The following EMC8 variants were observed in gnomAD, a reference collection of about 807,000 sequenced individuals.
EMC8 encodes the protein ER membrane protein complex subunit 8.
EMC8 carries 11 observed loss-of-function variants against 24.3 expected under a neutral mutation model. That is an observed-to-expected ratio of 0.45 (90% confidence interval 0.28 to 0.75). The LOEUF is 0.75. Among genes scored for constraint, EMC8 ranks in the 30% least tolerant of loss-of-function variants. The probability of loss-of-function intolerance (pLI) is 0.12; values close to 1 mark genes in which losing one functional copy is unlikely to be tolerated. For synonymous variants in EMC8, 145 were observed against 117.7 expected, an observed-to-expected ratio of 1.23 and a Z score of -1.50; for missense variants, 277 against 282.7, an observed-to-expected ratio of 0.98 and a Z score of 0.14.
At chr16:85,783,727 C>T (rs1904619534) in intron 2 of EMC8, among the ~76,000 whole-genome samples, 1 of 152,156 alleles carries the variant, frequency 6.6e-6, no homozygotes, top group African/African-American at 2.4e-5. Context: ...CGTCTTGTTT[C>T]ACTCACACTG....
Position 85,789,565 on chromosome 16 carries a change from G to A in EMC8, c.232-515C>T, listed in dbSNP as rs188447487. 2.5e-3 allele frequency among the ~76,000 whole-genome samples: 377 copies of A among 152,244 alleles called. 3 individuals carry two copies. Among genetic ancestry groups the A allele is most frequent in the Non-Finnish European group, 3.9e-3 (265 of 68,028 alleles). On this transcript the variant is annotated intron_variant, in intron 1 of 4. Coordinates refer to ENST00000253457, the MANE Select transcript of EMC8 (RefSeq NM_006067.5). ...CCAGCACTTTGGGAGGCTGAGGTGG[G>A]CGGATCACCTGAGGTCAAGAGTTCG...
chr16:85,799,209 G>A lies in EMC8; in HGVS notation c.87C>T (p.Leu29=), dbSNP rs890425804. The change falls in exon 1 of 5, where the codon CTC becomes CTT. Residue 29 remains leucine (L), a synonymous_variant. Coordinates refer to ENST00000253457, the MANE Select transcript of EMC8 (RefSeq NM_006067.5). This position sits in a 1 kb window ranked among gnomAD's most constrained non-coding sequence, Gnocchi z 4.2. ...AKYPHCAVNG[L]LVAEKQKPRK... ...GCGGCTTCTGCTTCTCGGCCACCAG[G>A]AGCCCGTTGACGGCGCAGTGCGGGT... 5.6e-6 allele frequency: 9 copies of A among 1,613,490 alleles called. No homozygotes were observed. The highest frequency in any genetic ancestry group is 2.2e-5 in the East Asian group (1 of 44,866).
chr16:85,799,201 G>C lies in EMC8; in HGVS notation c.95C>G (p.Ala32Gly). Reference sequence around the variant, plus strand: ...CTCCTTACGCGGCTTCTGCTTCTCGGCCACCAGGAGCCCGTTGACGGCGCA... The same window carrying C: ...CTCCTTACGCGGCTTCTGCTTCTCGCCCACCAGGAGCCCGTTGACGGCGCA... ...PHCAVNGLLV[A>G]EKQKPRKEHL... is the part of the protein sequence containing the mutation. The change falls in exon 1 of 5, where the codon GCC (alanine) becomes GGC (glycine). Residue 32 changes from alanine (A) to glycine (G), a missense_variant. Physicochemically the swap from Ala to Gly is moderately conservative, Grantham distance 60. Transcript: ENST00000253457. The surrounding 1 kb of genome is among the most constrained non-coding windows in gnomAD (Gnocchi z 4.2). The C allele has an allele frequency of 6.2e-7, 1 of 1,613,340 alleles. No individual in the cohort carries two copies. The highest frequency in any genetic ancestry group is 8.5e-7 in the Non-Finnish European group (1 of 1,179,826).
intron 1 of EMC8, among the ~76,000 whole-genome samples, chr16:85,789,763 G>A (rs1050443373): frequency 2.0e-5 from 3 of 151,236 alleles, no homozygotes; most frequent in African/African-American, 7.3e-5. Context: ...CTGCACTCCA[G>A]CCTGGGTGAC....
intron 2 of EMC8, among the ~76,000 whole-genome samples, chr16:85,783,300 C>A (rs1904596545): frequency 6.6e-6 from 1 of 150,966 alleles, no homozygotes. Context: ...GACTCCACGT[C>A]AAAAAAAAAA....
intron 1 of EMC8, among the ~76,000 whole-genome samples, chr16:85,797,129 T>C (rs549408993): frequency 1.3e-5 from 2 of 152,350 alleles, no homozygotes; most frequent in South Asian, 4.1e-4. Flanking sequence ...TTGGAAAGGC[T>C]GAGCGCAGTG....
intron 2 of EMC8, among the ~76,000 whole-genome samples, chr16:85,782,860 G>A (rs1366514758): frequency 6.6e-6 from 1 of 152,152 alleles, no homozygotes; most frequent in East Asian, 1.9e-4. Flanking sequence ...CCACCCTGCA[G>A]GCCACAGGTC....
At chr16:85,795,789 C>G (rs565264596) in intron 1 of EMC8, among the ~76,000 whole-genome samples, 2 of 152,164 alleles carry the variant, frequency 1.3e-5, no homozygotes, top group South Asian at 4.1e-4. Context: ...GCCATGGAAA[C>G]CCCACCTTGA....
At position 85,781,334 on chromosome 16, in the gene EMC8, C is replaced by T. The variant is rs1904487685; in HGVS notation, c.309-54G>A. 7 of 1,156,068 alleles carry T rather than the reference C, an allele frequency of 6.1e-6. No individual in the cohort carries two copies. In the Admixed American group the frequency reaches 6.9e-5, roughly 11 times the overall value. The allele number at this position is 1,156,068 out of a possible 1,614,324, so 71.6% of individuals were successfully genotyped here. On this transcript the variant is annotated intron_variant, in intron 2 of 4. Transcript: ENST00000253457. Reference sequence around the variant, plus strand: ...AGTTAATGCCATTCAACACTGTTTACAAAAGGCACAGTCAACACCACTGAG... The same window carrying T: ...AGTTAATGCCATTCAACACTGTTTATAAAAGGCACAGTCAACACCACTGAG...
At chr16:85,780,853 A>T (rs1904458713) in intron 3 of EMC8, 1 of 440,782 alleles carries the variant, frequency 2.3e-6, no homozygotes, top group South Asian at 2.5e-5. Context: ...CACACTTGGC[A>T]TGTTCAGACC....
At chr16:85,785,609 T>C (rs755230425) in intron 2 of EMC8, among the ~76,000 whole-genome samples, 8 of 152,188 alleles carry the variant, frequency 5.3e-5, no homozygotes, top group Admixed American at 6.5e-5. Context: ...GTGTAGTTAA[T>C]GAACTGTCAA....
chr16:85,781,823 T>A (rs1904518504), intron 2 of EMC8: 4 of 153,188 alleles, frequency 2.6e-5, no homozygotes, highest in Admixed American at 2.6e-4. Flanking sequence ...GGTCAGCACA[T>A]CTGGAGTGCA....
At chr16:85,787,507 G>C (rs1364826327) in intron 2 of EMC8, 1 of 152,270 alleles carries the variant, frequency 6.6e-6, no homozygotes, top group Non-Finnish European at 1.5e-5. Context: ...ATGTAACAAA[G>C]ACTAAGATGG....
intron 2 of EMC8, among the ~76,000 whole-genome samples, chr16:85,785,826 G>A (rs1904729329): frequency 6.6e-6 from 1 of 152,096 alleles, no homozygotes; most frequent in African/African-American, 2.4e-5. Context: ...GCACCATGTC[G>A]GGCCAGCGTG....
chr16:85,789,935 C>T (rs1436803107), intron 1 of EMC8, among the ~76,000 whole-genome samples: 3 of 152,130 alleles, frequency 2.0e-5, no homozygotes, highest in Non-Finnish European at 4.4e-5. Flanking sequence ...TAGTTCTCTC[C>T]GGCGTGCTTT....
At position 85,781,225 on chromosome 16, in the gene EMC8, T is replaced by C. The variant is rs75548789; in HGVS notation, c.364A>G (p.Thr122Ala). 1 of 1,613,684 alleles carries C rather than the reference T, an allele frequency of 6.2e-7. No homozygotes were observed. The highest frequency in any genetic ancestry group is 8.5e-7 in the Non-Finnish European group (1 of 1,179,614). ...ASRIAEGFSD[T>A]ALIMVDNTKF... ...AAGCGACTTACCATGATGAGCGCAG[T>C]GTCGCTGAAGCCCTCGGCGATTCTG... is the stretch of plus-strand genomic sequence containing the variant. Residue 122 changes from threonine (T) to alanine (A), a missense_variant, in exon 3 of 5, where the codon ACT becomes GCT. Thr to Ala is a moderately conservative substitution (Grantham distance 58). Coordinates refer to ENST00000253457, the MANE Select transcript of EMC8 (RefSeq NM_006067.5).
intron 2 of EMC8, among the ~76,000 whole-genome samples, chr16:85,784,092 G>A (rs949901915): frequency 1.5e-4 from 23 of 151,994 alleles, no homozygotes; most frequent in East Asian, 5.8e-4. Flanking sequence ...TCTGCCTCCC[G>A]GGTTCACGCC....
intron 1 of EMC8, among the ~76,000 whole-genome samples, chr16:85,797,183 G>C (rs538059765): frequency 1.3e-5 from 2 of 152,172 alleles, no homozygotes; most frequent in South Asian, 4.1e-4. Flanking sequence ...GGAGGTGGCC[G>C]TATTACTTGA....
At chr16:85,790,853 G>C (rs1904975795) in intron 1 of EMC8, among the ~76,000 whole-genome samples, 1 of 151,404 alleles carries the variant, frequency 6.6e-6, no homozygotes, top group East Asian at 1.9e-4. Flanking sequence ...TTTTTTGAGA[G>C]TCTCGCTCCG....
Sources: gnomAD v4.1 joint callset for allele counts (sites outside exome capture counted in the v4.1 genomes callset) on GRCh38, gnomAD v4.1.1 for gene constraint, Gnocchi (gnomAD v3.1) non-coding constraint, MANE v1.5 for transcripts, NCBI Gene and HGNC (gene_info 2026-07-23, HGNC 2026-07-21) for gene names.